RGL1: variants seen among roughly 807,000 people sequenced by gnomAD.
The protein encoded by RGL1 is ral guanine nucleotide dissociation stimulator like 1, also known as ral guanine nucleotide dissociation stimulator-like 1.
A neutral mutation model predicts 95.2 loss-of-function variants in RGL1; 24 were observed. The observed-to-expected ratio is 0.25, with a 90% CI of 0.18 to 0.35. The LOEUF (loss-of-function observed/expected upper bound fraction) is 0.35, where lower values mean the gene tolerates loss of function less well. Ranked by LOEUF, RGL1 falls within the 10% of genes least tolerant of loss-of-function variation. RGL1 has a pLI of 1.00. For synonymous variants in RGL1, 329 were observed against 344.9 expected (o/e 0.95, Z 0.51); for missense variants, 715 against 936.3 (o/e 0.76, Z 3.08).
intron 1 of RGL1, among the ~76,000 whole-genome samples, chr1:183,712,678 A>G (rs1655358399): frequency 6.6e-6 from 1 of 152,200 alleles, no homozygotes; most frequent in Non-Finnish European, 1.5e-5. Context: ...TCATATGATA[A>G]TTTAGTTTAT....
At chr1:183,889,385 C>G (rs3002654) in intron 8 of RGL1, among the ~76,000 whole-genome samples, 146,603 of 152,252 alleles carry the variant, frequency 0.96, 70,828 homozygotes, top group East Asian at 1. Context: ...AGGGAAGAAT[C>G]TATAAATTCT....
chr1:183,925,319 C>T (rs1669554900), intron 17 of RGL1, among the ~76,000 whole-genome samples: 1 of 152,066 alleles, frequency 6.6e-6, no homozygotes, highest in South Asian at 2.1e-4. Context: ...GAGCATCACA[C>T]ACTGGGGCCT....
chr1:183,842,528 T>C (rs1038042373), intron 2 of RGL1, among the ~76,000 whole-genome samples: 1 of 152,134 alleles, frequency 6.6e-6, no homozygotes, highest in Non-Finnish European at 1.5e-5. Context: ...TTGGGCACAG[T>C]TTTAGATATT....
At position 183,911,782 on chromosome 1, in the gene RGL1, TATCTTG is replaced by T. The variant is rs1668656144; in HGVS notation, c.1563-296_1563-291del. Among the ~76,000 whole-genome samples, 10 of 152,300 alleles carry T rather than the reference TATCTTG, an allele frequency of 6.6e-5. No homozygotes were observed. In the South Asian group the frequency reaches 2.1e-3, roughly 32 times the overall value. ...GGAAGTGATGGGGGTATGCTGATGG[TATCTTG>T]ATCCTGCCAAGGTGGTCCATAGACT... On this transcript the variant is annotated intron_variant, in intron 14 of 17. Coordinates refer to ENST00000360851, the MANE Select transcript of RGL1 (RefSeq NM_001297671.3).
intron 1 of RGL1, among the ~76,000 whole-genome samples, chr1:183,699,180 G>A (rs1654436652): frequency 6.6e-6 from 1 of 152,236 alleles, no homozygotes; most frequent in African/African-American, 2.4e-5. Flanking sequence ...AGCTCAGGAG[G>A]TAATAGGGTT....
intron 1 of RGL1, among the ~76,000 whole-genome samples, chr1:183,673,310 T>A (rs1391222766): frequency 6.6e-6 from 1 of 152,226 alleles, no homozygotes; most frequent in Non-Finnish European, 1.5e-5. Context: ...ACTATATAGG[T>A]AGCATAAATT....
intron 1 of RGL1, among the ~76,000 whole-genome samples, chr1:183,701,945 T>A (rs1030338610): frequency 6.6e-6 from 1 of 151,952 alleles, no homozygotes; most frequent in African/African-American, 2.4e-5. Context: ...TCGAAAAAAA[T>A]AAAATAAAAT....
intron 2 of RGL1, among the ~76,000 whole-genome samples, chr1:183,823,941 C>T (rs956378673): frequency 1.3e-5 from 2 of 152,064 alleles, no homozygotes; most frequent in African/African-American, 4.8e-5. Context: ...CCTATGCAAT[C>T]CCCCATGGCT....
intron 2 of RGL1, among the ~76,000 whole-genome samples, chr1:183,775,396 A>G (rs1175171703): frequency 6.6e-6 from 1 of 152,244 alleles, no homozygotes; most frequent in African/African-American, 2.4e-5. Flanking sequence ...AATTTTCTGC[A>G]CACTTATGAG....
intron 1 of RGL1, among the ~76,000 whole-genome samples, chr1:183,691,574 C>G (rs12092287): frequency 0.036 from 5,539 of 152,108 alleles, 300 homozygotes; most frequent in African/African-American, 0.12. Flanking sequence ...TAAGTTTATG[C>G]AAACGAATAA....
At chr1:183,638,768 T>C (rs1026650844) in intron 1 of RGL1, among the ~76,000 whole-genome samples, 2 of 152,232 alleles carry the variant, frequency 1.3e-5, no homozygotes, top group Admixed American at 1.3e-4. Flanking sequence ...CTGGTTTGGT[T>C]CAATACTGAA....
intron 4 of RGL1, among the ~76,000 whole-genome samples, chr1:183,868,633 A>T (rs1665977678): frequency 6.6e-6 from 1 of 152,210 alleles, no homozygotes; most frequent in Non-Finnish European, 1.5e-5. Context: ...TTTTTAGAAG[A>T]ACCTTTTTAT....
chr1:183,881,096 T>G (rs564372999), intron 5 of RGL1, among the ~76,000 whole-genome samples: 1 of 152,336 alleles, frequency 6.6e-6, no homozygotes, highest in Non-Finnish European at 1.5e-5. Context: ...TTCCTGGGGT[T>G]TCTTCTGTTA....
intron 1 of RGL1, among the ~76,000 whole-genome samples, chr1:183,678,797 A>G (rs1193050032): frequency 6.6e-6 from 1 of 152,212 alleles, no homozygotes; most frequent in Non-Finnish European, 1.5e-5. Flanking sequence ...TTCTTTGAAG[A>G]TCCAGTCTCA....
At chr1:183,922,120 A>G in intron 16 of RGL1, 102 bp from the exon 17 acceptor site, 1 of 899,588 alleles carries the variant, frequency 1.1e-6, no homozygotes, top group South Asian at 1.5e-5. Context: ...TTCTTTCTGG[A>G]AAGGCATCAC....
At position 183,855,303 on chromosome 1, in the gene RGL1, T is replaced by C. The variant is rs12094171; in HGVS notation, c.347+7529T>C. On this transcript the variant is annotated intron_variant, in intron 3 of 17. Transcript: ENST00000360851. ...TTTTCCCCCCGGGAGCTGGTAGTTG[T>C]AAACCTTCTATAAAAAGCCCATTGC... Among the ~76,000 whole-genome samples, 527 of 152,346 alleles carry C rather than the reference T, an allele frequency of 3.5e-3. 5 individuals carry two copies. The highest frequency in any genetic ancestry group is 0.012 in the African/African-American group (506 of 41,580).
intron 2 of RGL1, among the ~76,000 whole-genome samples, chr1:183,837,845 C>T (rs1352799631): frequency 6.6e-6 from 1 of 152,076 alleles, no homozygotes; most frequent in Non-Finnish European, 1.5e-5. Context: ...AGTTAGATTC[C>T]CATAAGAAGT....
At chr1:183,866,314 A>G (rs1242482254) in intron 4 of RGL1, among the ~76,000 whole-genome samples, 5 of 152,212 alleles carry the variant, frequency 3.3e-5, no homozygotes. Context: ...AAGAAAACAA[A>G]CGAACAAAAT....
chr1:183,706,686 T>C lies in RGL1; in HGVS notation c.-32-35440T>C, dbSNP rs1424162203. 2.3e-5 allele frequency among the ~76,000 whole-genome samples: 3 copies of C among 130,826 alleles called. No individual in the cohort carries two copies. In the East Asian group the frequency reaches 6.8e-4, roughly 30 times the overall value. The allele number at this position is 130,826 out of a possible 152,430, so 85.8% of individuals were successfully genotyped here. On this transcript the variant is annotated intron_variant, in intron 1 of 18. Transcript: ENST00000304685. ...CAGGCACCAGGTGGAGGTGGATTGC[T>C]AGGAGGCTTCTGTGTGGAGCTGCGG...
Sources: gnomAD v4.1 joint callset for allele counts (sites outside exome capture counted in the v4.1 genomes callset) on GRCh38, gnomAD v4.1.1 for gene constraint, MANE v1.5 for transcripts, NCBI Gene and HGNC (gene_info 2026-07-23, HGNC 2026-07-21) for gene names.